The following RSBN1 variants were observed in gnomAD, a reference collection of about 807,000 sequenced individuals.
The protein encoded by RSBN1 is lysine-specific demethylase 9.
A neutral mutation model predicts 74.8 loss-of-function variants in RSBN1; 23 were observed. That is an observed-to-expected ratio of 0.31 (90% confidence interval 0.22 to 0.44). The LOEUF (loss-of-function observed/expected upper bound fraction) is 0.44. Among genes scored for constraint, RSBN1 ranks in the 20% least tolerant of loss-of-function variants. The pLI is 1.00. For synonymous variants in RSBN1, 407 were observed against 379.6 expected (o/e 1.07, Z -0.84); for missense variants, 808 against 1,020.9 (o/e 0.79, Z 2.84).
chr1:113,803,388 A>G (rs550303714), intron 1 of RSBN1, among the ~76,000 whole-genome samples: 93 of 152,354 alleles, frequency 6.1e-4, no homozygotes, highest in South Asian at 8.3e-4. Flanking sequence ...TGGATCGTAT[A>G]GTATGTTTAG....
intron 1 of RSBN1, among the ~76,000 whole-genome samples, chr1:113,800,825 C>T (rs1286678259): frequency 6.6e-6 from 1 of 151,330 alleles, no homozygotes; most frequent in African/African-American, 2.4e-5. Context: ...ATTAGTCCAA[C>T]ATGGCCCATC....
chr1:113,804,589 T>C (rs1464060925), intron 1 of RSBN1, among the ~76,000 whole-genome samples: 4 of 152,186 alleles, frequency 2.6e-5, no homozygotes, highest in Non-Finnish European at 4.4e-5. Context: ...GGACCTGAGG[T>C]AGCTTGGAAT....
At chr1:113,777,089 C>A in intron 4 of RSBN1, 121 bp downstream of exon 4, 1 of 821,906 alleles carries the variant, frequency 1.2e-6, no homozygotes, top group East Asian at 2.6e-5. Context: ...AAAGAGGAAC[C>A]GACAACTAAA....
At chr1:113,773,820 T>C (rs984639082) in intron 4 of RSBN1, among the ~76,000 whole-genome samples, 9 of 151,864 alleles carry the variant, frequency 5.9e-5, no homozygotes, top group African/African-American at 1.7e-4. Context: ...CTAGCCAACA[T>C]GGTGAAACCC....
chr1:113,787,736 C>T (rs966473376), intron 2 of RSBN1, among the ~76,000 whole-genome samples: 2 of 152,144 alleles, frequency 1.3e-5, no homozygotes, highest in Non-Finnish European at 2.9e-5. Context: ...CATCCCCTGA[C>T]AAAAATGTGG....
In RSBN1 at chr1:113,812,378, C is replaced by A; in HGVS notation, c.35G>T (p.Trp12Leu). The A allele has an allele frequency of 6.2e-7, 1 of 1,602,204 alleles. No homozygotes were observed. The highest frequency in any genetic ancestry group is 8.5e-7 in the Non-Finnish European group (1 of 1,179,072). ...GCATTGGAGTCTCTCCTCCGCCCTC[C>A]ACTTGTCGGCCGTTCTTCGTCCAGA... ...FISGRRTADK[W>L]RAEERLQCPA... The change falls in exon 1 of 7, where the codon TGG becomes TTG. Residue 12 changes from tryptophan (W) to leucine (L), a missense_variant. Coordinates refer to ENST00000261441, the MANE Select transcript of RSBN1 (RefSeq NM_018364.5).
intron 2 of RSBN1, among the ~76,000 whole-genome samples, chr1:113,793,342 G>A (rs549975006): frequency 9.8e-5 from 15 of 152,296 alleles, no homozygotes; most frequent in Admixed American, 3.3e-4. Context: ...TCTTGATCAT[G>A]TCTCCAATTC....
chr1:113,811,696 T>C lies in RSBN1; in HGVS notation c.703+14A>G, dbSNP rs1481531754. On this transcript the variant is annotated intron_variant, in intron 1 of 6. Transcript: ENST00000261441. ...AGACCTAGAACCCAAGCCGGGCAGT[T>C]TGCCTGCTCTCACCTCTCTTGGGGG... 1.9e-6 allele frequency: 3 copies of C among 1,560,462 alleles called. No individual in the cohort carries two copies. The highest frequency in any genetic ancestry group is 2.6e-6 in the Non-Finnish European group (3 of 1,149,820).
intron 2 of RSBN1, chr1:113,796,104 C>T (rs1023291028): frequency 2.6e-5 from 4 of 151,936 alleles, no homozygotes; most frequent in African/African-American, 4.8e-5. Context: ...AAATAGGATT[C>T]CTTGACCTTC....
intron 2 of RSBN1, among the ~76,000 whole-genome samples, chr1:113,797,147 A>G (rs1206316887): frequency 2.0e-5 from 3 of 152,228 alleles, no homozygotes; most frequent in Non-Finnish European, 2.9e-5. Context: ...GTAATGATGT[A>G]TAACATGTAT....
At chr1:113,796,442 G>C (rs1660473787) in intron 2 of RSBN1, 1 of 152,050 alleles carries the variant, frequency 6.6e-6, no homozygotes, top group Non-Finnish European at 1.5e-5. Context: ...TAAGTGGCTT[G>C]AAACCACTAT....
At chr1:113,791,303 TTGAA>T (rs1660359603) in intron 2 of RSBN1, among the ~76,000 whole-genome samples, 1 of 152,214 alleles carries the variant, frequency 6.6e-6, no homozygotes, top group African/African-American at 2.4e-5. Flanking sequence ...ACAATTATCT[TTGAA>T]TATATATACT....
At chr1:113,804,907 T>TAA (rs11406398) in intron 1 of RSBN1, among the ~76,000 whole-genome samples, 40,732 of 131,220 alleles carry the variant, frequency 0.31, 6,504 homozygotes, top group South Asian at 0.39. Flanking sequence ...TGGTCAAGAG[T>TAA]AAAAAAAAAA....
chr1:113,811,307 A>G (rs892210314), intron 1 of RSBN1, among the ~76,000 whole-genome samples: 2 of 152,192 alleles, frequency 1.3e-5, no homozygotes, highest in African/African-American at 2.4e-5. Context: ...ACCCCTGACT[A>G]TTCTGGAGCA....
At chr1:113,789,476 A>G (rs578242965) in intron 2 of RSBN1, among the ~76,000 whole-genome samples, 41 of 152,308 alleles carry the variant, frequency 2.7e-4, no homozygotes, top group African/African-American at 8.4e-4. Context: ...ACCCATAAAC[A>G]TAAGTATTTC....
At chr1:113,795,260 T>A (rs75373566) in intron 2 of RSBN1, among the ~76,000 whole-genome samples, 1,849 of 152,302 alleles carry the variant, frequency 0.012, 40 homozygotes, top group African/African-American at 0.042. Context: ...ACTTACTAGC[T>A]ATATGACCTT....
At chr1:113,802,954 C>T (rs755971954) in intron 1 of RSBN1, among the ~76,000 whole-genome samples, 1 of 152,180 alleles carries the variant, frequency 6.6e-6, no homozygotes, top group Non-Finnish European at 1.5e-5. Flanking sequence ...AATTAAGTTG[C>T]ATAAAGAGTA....
chr1:113,796,490 T>A (rs1210639886), intron 2 of RSBN1, among the ~76,000 whole-genome samples: 2 of 151,858 alleles, frequency 1.3e-5, no homozygotes, highest in Admixed American at 1.3e-4. Flanking sequence ...GGCAACAATC[T>A]ATTTACCTAA....
rs1242856273 is a variant in RSBN1, at chr1:113,763,854, A to G, written c.*2126T>C. ...TCAGGAGACAGTCTCCTTGTTTATT[A>G]GCAATGACCAGCTTGGATGACAGAT... On this transcript the variant is annotated 3_prime_UTR_variant, in exon 7 of 7. Coordinates refer to ENST00000261441, the MANE Select transcript of RSBN1 (RefSeq NM_018364.5). The G allele has an allele frequency of 2.0e-5, 3 of 152,690 alleles. No individual in the cohort carries two copies. The highest frequency in any genetic ancestry group is 4.4e-5 in the Non-Finnish European group (3 of 68,018). The allele number at this position is 152,690 out of a possible 1,614,324, so 9.5% of individuals were successfully genotyped here. A position where few individuals can be genotyped will look rare whatever the true frequency, so the allele number is the denominator to read the frequency against.
Sources: gnomAD v4.1 joint callset for allele counts (sites outside exome capture counted in the v4.1 genomes callset) on GRCh38, gnomAD v4.1.1 for gene constraint, MANE v1.5 for transcripts, NCBI Gene and HGNC (gene_info 2026-07-23, HGNC 2026-07-21) for gene names.